MEF2C: variants seen among roughly 807,000 people sequenced by gnomAD.
The protein encoded by MEF2C is myocyte-specific enhancer factor 2C.
Under a neutral mutation model 50.5 loss-of-function variants are expected in MEF2C, and 6 were observed. That is an observed-to-expected ratio of 0.12 (90% confidence interval 0.07 to 0.23). The LOEUF (loss-of-function observed/expected upper bound fraction) is 0.23, where lower values mean the gene tolerates loss of function less well. Among genes scored for constraint, MEF2C ranks in the 10% least tolerant of loss-of-function variants. The pLI is 1.00. For synonymous variants in MEF2C, 183 were observed against 228.0 expected (o/e 0.80, Z 1.78); for missense variants, 276 against 605.0 (o/e 0.46, Z 5.70).
At chr5:88,783,770 G>A (rs1158186388) in intron 3 of MEF2C, among the ~76,000 whole-genome samples, 1 of 152,170 alleles carries the variant, frequency 6.6e-6, no homozygotes, top group East Asian at 1.9e-4. Flanking sequence ...ATACCCCATA[G>A]TTCTCATTAC....
chr5:88,867,447 T>A (rs1827762473), intron 1 of MEF2C, among the ~76,000 whole-genome samples: 2 of 152,200 alleles, frequency 1.3e-5, no homozygotes, highest in Admixed American at 1.3e-4. Context: ...TTTACCTCAG[T>A]TTCCTCATCT....
chr5:88,817,800 C>G (rs1052194602), intron 2 of MEF2C: 29 of 151,904 alleles, frequency 1.9e-4, no homozygotes, highest in African/African-American at 7.0e-4. Context: ...TAAATTTGGG[C>G]TTACCTCTCC....
chr5:88,751,008 C>T, intron 5 of MEF2C: 3 of 773,196 alleles, frequency 3.9e-6, no homozygotes, highest in Non-Finnish European at 3.1e-6. Context: ...ATTTTTGATG[C>T]TGCTTCTGGA....
chr5:88,891,387 A>G (rs1025785220), intron 1 of MEF2C, among the ~76,000 whole-genome samples: 1 of 139,198 alleles, frequency 7.2e-6, no homozygotes, highest in Non-Finnish European at 1.5e-5. Context: ...TTAATAACCA[A>G]CCAACCTTTT....
At chr5:88,735,486 AT>A in intron 6 of MEF2C, 1 of 985,266 alleles carries the variant, frequency 1.0e-6, no homozygotes, top group Non-Finnish European at 1.2e-6. Context: ...CTGATTATAG[AT>A]TATAAGAAAA....
rs1554103551 is a variant in MEF2C at position 88,734,561 on chromosome 5, G to GTTTTTTTTTTTTTTTTTTTTTTT, written c.638-2661_638-2660insAAAAAAAAAAAAAAAAAAAAAAA. 1.6e-5 allele frequency: 4 copies of GTTTTTTTTTTTTTTTTTTTTTTT among 244,240 alleles called. 1 individual carries two copies. Among genetic ancestry groups the GTTTTTTTTTTTTTTTTTTTTTTT allele is most frequent in the Non-Finnish European group, 2.0e-5 (4 of 202,512 alleles). The allele number at this position is 244,240 out of a possible 1,614,324, so 15.1% of individuals were successfully genotyped here. On this transcript the variant is annotated intron_variant, in intron 6 of 10. Coordinates refer to ENST00000504921, the MANE Select transcript of MEF2C (RefSeq NM_002397.5). ...ATGCTTCACGGAGGCCTTGAGAAAA[G>GTTTTTTTTTTTTTTTTTTTTTTT]TTTGTTTTTTTTTTTTTTTTTTTTT...
chr5:88,894,231 C>G (rs1011857127), intron 1 of MEF2C, among the ~76,000 whole-genome samples: 2 of 152,150 alleles, frequency 1.3e-5, no homozygotes, highest in African/African-American at 4.8e-5. Flanking sequence ...GCTGACATGA[C>G]CTGCCCAGGG....
intron 1 of MEF2C, among the ~76,000 whole-genome samples, chr5:88,873,244 C>T (rs1830070132): frequency 6.6e-6 from 1 of 152,092 alleles, no homozygotes; most frequent in Non-Finnish European, 1.5e-5. Context: ...TTTACAAAGA[C>T]ATGATCCTAT....
At chr5:88,880,964 A>G (rs1832652958) in intron 1 of MEF2C, 1 of 152,178 alleles carries the variant, frequency 6.6e-6, no homozygotes, top group Non-Finnish European at 1.5e-5. Flanking sequence ...ATGCACAGCA[A>G]TCAGGACGTA....
chr5:88,881,966 C>T (rs749359836), intron 1 of MEF2C, among the ~76,000 whole-genome samples: 83 of 152,074 alleles, frequency 5.5e-4, no homozygotes, highest in Admixed American at 2.2e-3. Context: ...GTATTTTATA[C>T]AAAAGACACG....
intron 4 of MEF2C, among the ~76,000 whole-genome samples, chr5:88,758,935 A>G (rs1776611042): frequency 1.3e-5 from 2 of 152,204 alleles, no homozygotes; most frequent in Admixed American, 6.5e-5. Flanking sequence ...CTCTCCCTAA[A>G]GTATGAGAAA....
At chr5:88,765,758 G>A (rs1359771510) in intron 3 of MEF2C, among the ~76,000 whole-genome samples, 5 of 152,170 alleles carry the variant, frequency 3.3e-5, no homozygotes, top group South Asian at 2.1e-4. Flanking sequence ...GACTGACTAC[G>A]TTTTGAAAAG....
At chr5:88,809,802 C>G (rs1802030634) in intron 2 of MEF2C, among the ~76,000 whole-genome samples, 1 of 152,100 alleles carries the variant, frequency 6.6e-6, no homozygotes, top group South Asian at 2.1e-4. Context: ...TTACTCCCAT[C>G]TCTCCTTTTC....
At chr5:88,897,191 C>G (rs970758835) in intron 1 of MEF2C, among the ~76,000 whole-genome samples, 5 of 152,080 alleles carry the variant, frequency 3.3e-5, no homozygotes, top group Admixed American at 6.6e-5. Flanking sequence ...TGTAATTACT[C>G]TATGATTGCA....
chr5:88,729,238 A>G lies in MEF2C; in HGVS notation c.944T>C (p.Ile315Thr). The change falls in exon 9 of 11, where the codon ATT becomes ACT. Residue 315 changes from isoleucine (I) to threonine (T), a missense_variant. Around this residue, in one of 2 missense-constraint regions of MEF2C, gnomAD observed 256 missense variants for 468.1 expected, o/e 0.55. Coordinates refer to ENST00000504921, the MANE Select transcript of MEF2C (RefSeq NM_002397.5). ...CTCACCGGTACCATATGTTGTTGAAATGGCTGATGGATATCCTCCCATTCC... is the reference window on the plus strand; with the variant it reads ...CTCACCGGTACCATATGTTGTTGAAGTGGCTGATGGATATCCTCCCATTCC... ...GQGMGGYPSA[I>T]STTYGTEYSL... is the part of the protein sequence containing the mutation. 6.2e-7 allele frequency: 1 copy of G among 1,613,234 alleles called. No individual in the cohort carries two copies. The highest frequency in any genetic ancestry group is 8.5e-7 in the Non-Finnish European group (1 of 1,179,378).
At chr5:88,872,954 C>T (rs1829955378) in intron 1 of MEF2C, among the ~76,000 whole-genome samples, 1 of 151,924 alleles carries the variant, frequency 6.6e-6, no homozygotes, top group Non-Finnish European at 1.5e-5. Flanking sequence ...ACTCTTTATG[C>T]TTGTTTAAAC....
chr5:88,769,451 G>A (rs1013615811), intron 3 of MEF2C, among the ~76,000 whole-genome samples: 1 of 152,146 alleles, frequency 6.6e-6, no homozygotes, highest in African/African-American at 2.4e-5. Context: ...AACCCGGACA[G>A]GGCATGCATC....
intron 1 of MEF2C, among the ~76,000 whole-genome samples, chr5:88,893,979 G>A (rs1030381950): frequency 6.6e-6 from 1 of 152,082 alleles, no homozygotes; most frequent in East Asian, 1.9e-4. Context: ...TTTTAAATCA[G>A]TAATGTTCTT....
chr5:88,830,361 C>T (rs749927223), intron 1 of MEF2C, among the ~76,000 whole-genome samples: 9 of 151,988 alleles, frequency 5.9e-5, no homozygotes, highest in Non-Finnish European at 1.2e-4. Context: ...GTTTTCTTAA[C>T]CCCTGCAATT....
Sources: gnomAD v4.1 joint callset for allele counts (sites outside exome capture counted in the v4.1 genomes callset) on GRCh38, gnomAD v4.1.1 for gene constraint, gnomAD v4.1.1 regional missense constraint, MANE v1.5 for transcripts, NCBI Gene and HGNC (gene_info 2026-07-23, HGNC 2026-07-21) for gene names.